Variants in ADAMTS7 observed in about 807,000 individuals in gnomAD.
ADAMTS7 encodes the protein ADAM metallopeptidase with thrombospondin type 1 motif 7, also known as A disintegrin and metalloproteinase with thrombospondin motifs 7.
Under a neutral mutation model 172.6 loss-of-function variants are expected in ADAMTS7, and 89 were observed. That is an observed-to-expected ratio of 0.52 (90% CI 0.43 to 0.61). The LOEUF (loss-of-function observed/expected upper bound fraction) is 0.61. ADAMTS7 is among the 20% of genes least tolerant of loss of function. The pLI, the probability that ADAMTS7 is intolerant of heterozygous loss-of-function variation, is 0.00. For missense variants in ADAMTS7, 1,973 were observed against 2,355.6 expected (o/e 0.84, Z 3.36); for synonymous variants, 885 against 978.4 (o/e 0.90, Z 1.78).
rs1257915045 is a variant in ADAMTS7, at chr15:78,796,685, T to C, written c.724A>G (p.Lys242Glu). ...RLHQRSVSKE[K>E]WVETLVVADA... The stretch of plus-strand genomic sequence containing the variant: ...GCTACTACCAGGGTCTCCACCCACT[T>C]CTCTTTGCTGACCGACCGCTGGTGT... The change falls in exon 4 of 24, where the codon AAG (lysine) becomes GAG (glutamate). Residue 242 changes from lysine (K) to glutamate (E), a missense_variant. Lys to Glu is a moderately conservative substitution (Grantham distance 56). Transcript: ENST00000388820. 2 of 1,613,998 alleles carry C rather than the reference T, an allele frequency of 1.2e-6. No homozygotes were observed. The highest frequency in any genetic ancestry group is 2.2e-5 in the South Asian group (2 of 91,080).
chr15:78,768,243 A>G lies in ADAMTS7; in HGVS notation c.2535T>C (p.Asn845=). 5.6e-6 allele frequency: 9 copies of G among 1,610,764 alleles called. No homozygotes were observed. The highest frequency in any genetic ancestry group is 7.6e-6 in the Non-Finnish European group (9 of 1,179,600). The change falls in exon 17 of 24, where the codon AAT becomes AAC. Residue 845 remains asparagine (N), a synonymous_variant. Transcript: ENST00000388820. ...CTGCCTGCCGCTCCAAGCAGTACACATTCTGCCTCTGCACACCTAGGGGCC... is the reference window on the plus strand; with the variant it reads ...CTGCCTGCCGCTCCAAGCAGTACACGTTCTGCCTCTGCACACCTAGGGGCC... ...VTCGRGVQRQ[N]VYCLERQAGP...
intron 8 of ADAMTS7, among the ~76,000 whole-genome samples, chr15:78,780,720 C>T (rs1264622110): frequency 2.0e-5 from 3 of 152,226 alleles, no homozygotes; most frequent in Non-Finnish European, 4.4e-5. Context: ...CCACCCTATA[C>T]TCGCATGGCC....
At chr15:78,796,476 G>A in intron 4 of ADAMTS7, 114 bp downstream of exon 4, 1 of 1,218,266 alleles carries the variant, frequency 8.2e-7, no homozygotes, top group Non-Finnish European at 1.2e-6. Flanking sequence ...CCTACTTGGG[G>A]CCTAGACCTG....
At chr15:78,782,348 A>G (rs1387189377) in intron 8 of ADAMTS7, among the ~76,000 whole-genome samples, 9 of 150,962 alleles carry the variant, frequency 6.0e-5, no homozygotes, top group Non-Finnish European at 1.3e-4. Flanking sequence ...GTCCTTAACC[A>G]CCAAACAAAA....
chr15:78,785,078 C>T (rs1346691535), intron 8 of ADAMTS7, among the ~76,000 whole-genome samples: 2 of 151,924 alleles, frequency 1.3e-5, no homozygotes, highest in African/African-American at 4.8e-5. Context: ...CCAGTCTAAA[C>T]TGGAGGACAC....
chr15:78,797,870 T>TAA lies in ADAMTS7; in HGVS notation c.622+76_622+77dup. On this transcript the variant is annotated intron_variant, in intron 3 of 23. Coordinates refer to ENST00000388820, the MANE Select transcript of ADAMTS7 (RefSeq NM_014272.5). ...TAAGGGGCACTGGGCATGGGGATGT[T>TAA]AAGGGGGGCTTCTAGAAAGGCCCCT... 3 of 1,514,354 alleles carry TAA rather than the reference T, an allele frequency of 2.0e-6. No homozygotes were observed. The South Asian group carries it at 3.7e-5, about 18-fold the overall frequency. The allele number at this position is 1,514,354 out of a possible 1,614,324, so 93.8% of individuals were successfully genotyped here. A position where few individuals can be genotyped will look rare whatever the true frequency, so the allele number is the denominator to read the frequency against.
chr15:78,769,471 G>T (rs1014320232), intron 16 of ADAMTS7, among the ~76,000 whole-genome samples: 1 of 152,204 alleles, frequency 6.6e-6, no homozygotes, highest in African/African-American at 2.4e-5. Flanking sequence ...TGCAACTAGG[G>T]GGGTCTGGGA....
intron 1 of ADAMTS7, among the ~76,000 whole-genome samples, chr15:78,807,665 A>T (rs2055814319): frequency 6.6e-6 from 1 of 150,808 alleles, no homozygotes; most frequent in Non-Finnish European, 1.5e-5. Context: ...TGGTTGTGTA[A>T]GAATTAAATG....
chr15:78,770,431 G>A (rs1250888200), intron 16 of ADAMTS7, among the ~76,000 whole-genome samples: 2 of 143,180 alleles, frequency 1.4e-5, no homozygotes, highest in Non-Finnish European at 3.0e-5. Context: ...GGGAAACTGA[G>A]GTGTGGGGAG....
At chr15:78,787,755 AT>A (rs1415219538) in intron 8 of ADAMTS7, among the ~76,000 whole-genome samples, 1 of 152,154 alleles carries the variant, frequency 6.6e-6, no homozygotes, top group African/African-American at 2.4e-5. Flanking sequence ...AGTTCCCTTA[AT>A]GGCCCCTTCT....
chr15:78,778,629 G>A (rs1173074965), intron 8 of ADAMTS7, among the ~76,000 whole-genome samples: 2 of 152,170 alleles, frequency 1.3e-5, no homozygotes, highest in Non-Finnish European at 1.5e-5. Flanking sequence ...AGGCAGCCAC[G>A]ACTTGGGCAG....
At chr15:78,769,208 G>A (rs1024293783) in intron 16 of ADAMTS7, among the ~76,000 whole-genome samples, 1 of 152,122 alleles carries the variant, frequency 6.6e-6, no homozygotes, top group Non-Finnish European at 1.5e-5. Context: ...CAACCCTGGG[G>A]CCTTTGCACA....
chr15:78,805,763 G>A (rs2055779723), intron 1 of ADAMTS7, among the ~76,000 whole-genome samples: 1 of 152,086 alleles, frequency 6.6e-6, no homozygotes, highest in Admixed American at 6.6e-5. Flanking sequence ...CCAGGAAAGT[G>A]GGTAAGACAC....
rs756884675 is a variant in ADAMTS7 at position 78,759,569 on chromosome 15, C to T, written c.4913G>A (p.Arg1638Gln). The part of the protein sequence containing the change: ...CEPVEPPRCE[R>Q]DRLSFGFCET... Reference sequence around the variant, plus strand: ...GCAGAACCCGAAGGACAGGCGGTCCCGCTCACAGCCTGGAGTGGGGGGGCA... The same window carrying T: ...GCAGAACCCGAAGGACAGGCGGTCCTGCTCACAGCCTGGAGTGGGGGGGCA... The change falls in exon 24 of 24, where the codon CGG becomes CAG. Residue 1638 changes from arginine (R) to glutamine (Q), a missense_variant. This residue lies in a region of ADAMTS7 where 94 missense variants were observed against 95.4 expected (regional missense o/e 0.99). Coordinates refer to ENST00000388820, the MANE Select transcript of ADAMTS7 (RefSeq NM_014272.5). 98 of 1,585,258 alleles carry T rather than the reference C, an allele frequency of 6.2e-5. No individual in the cohort carries two copies. The South Asian group carries it at 8.7e-4, about 14-fold the overall frequency.
intron 8 of ADAMTS7, among the ~76,000 whole-genome samples, chr15:78,778,365 T>G (rs1343985274): frequency 6.6e-6 from 1 of 152,222 alleles, no homozygotes; most frequent in Non-Finnish European, 1.5e-5. Context: ...TGGCACCCGC[T>G]TCTGCCCCTG....
chr15:78,762,018 G>T (rs1786912595), intron 23 of ADAMTS7: 2 of 985,418 alleles, frequency 2.0e-6, no homozygotes, highest in Non-Finnish European at 1.2e-6. Context: ...TGGGGACAGG[G>T]ACTCACCCAG....
rs1372126361 is a variant in ADAMTS7 at position 78,767,600 on chromosome 15, G to A, written c.2646-8C>T. 3.9e-6 allele frequency: 6 copies of A among 1,532,462 alleles called. No homozygotes were observed. Among genetic ancestry groups the A allele is most frequent in the Non-Finnish European group, 5.3e-6 (6 of 1,136,948 alleles). 94.9% of individuals were successfully genotyped at this position (1,532,462 alleles called of 1,614,324 possible). A position where few individuals can be genotyped will look rare whatever the true frequency, so the allele number is the denominator to read the frequency against. On this transcript the variant is annotated splice_polypyrimidine_tract_variant and splice_region_variant and intron_variant, in intron 17 of 23. Coordinates refer to ENST00000388820, the MANE Select transcript of ADAMTS7 (RefSeq NM_014272.5). ...CACTCACCTGCCCACCACCTGGCGA[G>A]GGCACACAGGTGGCATCAGTGTGGC...
At chr15:78,764,976 G>C (rs1252750915) in intron 19 of ADAMTS7, 2 of 377,460 alleles carry the variant, frequency 5.3e-6, no homozygotes, top group Non-Finnish European at 4.7e-6. Flanking sequence ...GAGGTGGGGG[G>C]AGGGGACCCT....
chr15:78,776,781 C>T lies in ADAMTS7; in HGVS notation c.1528G>A (p.Ala510Thr), dbSNP rs745558601. ...GTTCHSKLDA[A>T]VDGTRCGENK... ...TCCCCACACCGGGTGCCGTCCACAG[C>T]TGCATCCAGCTTGGAGTGACAGGTG... The change falls in exon 10 of 24, where the codon GCT becomes ACT. Residue 510 changes from alanine to threonine, a missense_variant. Around this residue, in one of 8 missense-constraint regions of ADAMTS7, gnomAD observed 526 missense variants for 662.9 expected, o/e 0.79. Coordinates refer to ENST00000388820, the MANE Select transcript of ADAMTS7 (RefSeq NM_014272.5). 5.8e-6 allele frequency: 9 copies of T among 1,551,968 alleles called. No individual in the cohort carries two copies. Among genetic ancestry groups the T allele is most frequent in the Non-Finnish European group, 7.8e-6 (9 of 1,146,826 alleles).
Sources: allele counts gnomAD v4.1 joint callset (sites outside exome capture counted in the v4.1 genomes callset), GRCh38; gene constraint gnomAD v4.1.1; regional missense constraint gnomAD v4.1.1; transcripts MANE v1.5; gene names NCBI Gene and HGNC (gene_info 2026-07-23, HGNC 2026-07-21).